Variants in DGKQ observed in about 807,000 individuals in gnomAD.
The protein encoded by DGKQ is diacylglycerol kinase theta.
A neutral mutation model predicts 104.2 loss-of-function variants in DGKQ; 97 were observed. The observed-to-expected ratio is 0.93, with a 90% CI of 0.79 to 1.10. The LOEUF (loss-of-function observed/expected upper bound fraction) is 1.10. Among genes scored for constraint, DGKQ ranks in the 50% least tolerant of loss-of-function variants. DGKQ has a pLI of 0.00. For synonymous variants in DGKQ, 736 were observed against 595.2 expected (o/e 1.24, Z -3.44); for missense variants, 1,465 against 1,352.1 (o/e 1.08, Z -1.31).
At chr4:960,851 C>G in intron 22 of DGKQ, 130 bp from the exon 23 acceptor site, 1 of 1,483,982 alleles carries the variant, frequency 6.7e-7, no homozygotes, top group Admixed American at 2.2e-5. Context: ...AGGGGAGGGA[C>G]CTGTCTGGCT....
At position 962,892 on chromosome 4, in the gene DGKQ, A is replaced by G. The variant is rs1477470211; in HGVS notation, c.1915T>C (p.Phe639Leu). ...TCGCCACCACACACCAGCACCCGGA[A>G]GCAGGGCACCTGGGAGAACAGGTGG... ...GLHLFSQVPC[F>L]RVLVCGGDGT... is the part of the protein sequence containing the mutation. The change falls in exon 17 of 23, where the codon TTC becomes CTC. Residue 639 changes from phenylalanine (F) to leucine (L), a missense_variant. Phe to Leu is a conservative substitution (Grantham distance 22). Coordinates refer to ENST00000273814, the MANE Select transcript of DGKQ (RefSeq NM_001347.4). 1 of 1,609,976 alleles carries G rather than the reference A, an allele frequency of 6.2e-7. No homozygotes were observed. The highest frequency in any genetic ancestry group is 8.5e-7 in the Non-Finnish European group (1 of 1,178,810).
chr4:960,245 G>A lies in DGKQ; in HGVS notation c.*375C>T, dbSNP rs946793907. 8 of 241,586 alleles carry A rather than the reference G, an allele frequency of 3.3e-5. No individual in the cohort carries two copies. The highest frequency in any genetic ancestry group is 8.4e-5 in the East Asian group (1 of 11,936). 15.0% of individuals were successfully genotyped at this position (241,586 alleles called of 1,614,324 possible). ...AAAGTGAGATCAGACCCACCTGGAC[G>A]GCCTGCATCCAGCACTGTCCAGCTC... On this transcript the variant is annotated 3_prime_UTR_variant, in exon 23 of 23. Transcript: ENST00000273814.
chr4:962,407 AG>A, intron 18 of DGKQ, 27 bp downstream of exon 18: 1 of 1,530,940 alleles, frequency 6.5e-7, no homozygotes, highest in South Asian at 1.2e-5. Flanking sequence ...GGAGCCTGGA[AG>A]GCACCCCACG....
Position 962,616 on chromosome 4 carries a change from G to A in DGKQ, c.2036-3C>T. 1 of 1,606,714 alleles carries A rather than the reference G, an allele frequency of 6.2e-7. No homozygotes were observed. Among genetic ancestry groups the A allele is most frequent in the Non-Finnish European group, 8.5e-7 (1 of 1,179,364 alleles). On this transcript the variant is annotated splice_polypyrimidine_tract_variant and splice_region_variant and intron_variant, in intron 17 of 22. Coordinates refer to ENST00000273814, the MANE Select transcript of DGKQ (RefSeq NM_001347.4). ...GAGGACTCGACCAAGGTCATTCCCTGGGACACAAGCAGACACAGAGCATCT... is the reference window on the plus strand; with the variant it reads ...GAGGACTCGACCAAGGTCATTCCCTAGGACACAAGCAGACACAGAGCATCT...
At chr4:966,424 G>C (rs369182182) in intron 12 of DGKQ, 42 bp downstream of exon 12, 253 of 1,602,182 alleles carry the variant, frequency 1.6e-4, no homozygotes, top group Non-Finnish European at 1.9e-4. Context: ...CTGTGGCTGA[G>C]GGCTGCTGGT....
chr4:962,888 C>A lies in DGKQ; in HGVS notation c.1919G>T (p.Arg640Leu). 1 of 1,609,748 alleles carries A rather than the reference C, an allele frequency of 6.2e-7. No individual in the cohort carries two copies. The highest frequency in any genetic ancestry group is 2.2e-5 in the East Asian group (1 of 44,672). The stretch of plus-strand genomic sequence containing the variant: ...GCCATCGCCACCACACACCAGCACC[C>A]GGAAGCAGGGCACCTGGGAGAACAG... Reference protein sequence around the residue: ...LHLFSQVPCFRVLVCGGDGTV... With the variant: ...LHLFSQVPCFLVLVCGGDGTV... The change falls in exon 17 of 23, where the codon CGG becomes CTG. Residue 640 changes from arginine (R) to leucine (L), a missense_variant. By Grantham distance (102) the Arg-to-Leu change is moderately radical (BLOSUM62 -2). Transcript: ENST00000273814.
intron 2 of DGKQ, among the ~76,000 whole-genome samples, 190 bp from the exon 3 acceptor site, chr4:969,100 C>G (rs745453984): frequency 2.0e-5 from 3 of 152,136 alleles, no homozygotes; most frequent in Non-Finnish European, 2.9e-5. Flanking sequence ...CCTGGCTGGT[C>G]AAAAGCAGGG....
chr4:966,120 C>T (rs777595797), intron 12 of DGKQ, 42 bp from the exon 13 acceptor site: 50 of 1,546,350 alleles, frequency 3.2e-5, no homozygotes, highest in Non-Finnish European at 4.2e-5. Context: ...GGGAGAACGG[C>T]ACCACCGCAC....
In DGKQ at chr4:962,615, T is replaced by C; in HGVS notation, c.2036-2A>G. On this transcript the variant is annotated splice_acceptor_variant, in intron 17 of 22. Coordinates refer to ENST00000273814, the MANE Select transcript of DGKQ (RefSeq NM_001347.4). LOFTEE classifies it high-confidence loss of function. ...GGAGGACTCGACCAAGGTCATTCCC[T>C]GGGACACAAGCAGACACAGAGCATC... 2.5e-6 allele frequency: 4 copies of C among 1,606,808 alleles called. No individual in the cohort carries two copies. The highest frequency in any genetic ancestry group is 2.5e-6 in the Non-Finnish European group (3 of 1,179,382).
chr4:961,708 G>A lies in DGKQ; in HGVS notation c.2442C>T (p.Leu814=), dbSNP rs765832300. Residue 814 remains leucine, a synonymous_variant, in exon 20 of 23, where the codon CTC becomes CTT. Coordinates refer to ENST00000273814, the MANE Select transcript of DGKQ (RefSeq NM_001347.4). ...QEVELPSIEG[L]IFINIPSWGS... ...AGCACCTGGGGATGTTGATGAAGAT[G>A]AGGCCTTCAATACTGGGCAGCTCCA... 2 of 1,612,704 alleles carry A rather than the reference G, an allele frequency of 1.2e-6. No homozygotes were observed. Among genetic ancestry groups the A allele is most frequent in the East Asian group, 4.5e-5 (2 of 44,860 alleles).
Position 962,521 on chromosome 4 carries a change from C to T in DGKQ, c.2128G>A (p.Val710Met), listed in dbSNP as rs775566733. Reference protein sequence around the residue: ...VLLSVDEADAVLMDRWTILLD... With the variant: ...VLLSVDEADAMLMDRWTILLD... ...AGGATGGTCCAGCGGTCCATGAGCA[C>T]GGCGTCGGCCTCGTCCACAGACAGC... is the stretch of plus-strand genomic sequence containing the variant. Residue 710 changes from valine to methionine, a missense_variant, in exon 18 of 23, where the codon GTG becomes ATG. Transcript: ENST00000273814. 1.4e-5 allele frequency: 22 copies of T among 1,610,006 alleles called. No homozygotes were observed. The highest frequency in any genetic ancestry group is 1.4e-5 in the Non-Finnish European group (17 of 1,179,906).
rs1401794319 is a variant in DGKQ at position 971,815 on chromosome 4, A to G, written c.272-743T>C. Among the ~76,000 whole-genome samples, 9 of 152,108 alleles carry G rather than the reference A, an allele frequency of 5.9e-5. No homozygotes were observed. Among genetic ancestry groups the G allele is most frequent in the Non-Finnish European group, 1.3e-4 (9 of 67,976 alleles). ...AGGGCACCCAGTGACACAACTGCCA[A>G]GACAGCCCCGGGTGAAGGTTGTGCC... On this transcript the variant is annotated intron_variant, in intron 1 of 22. Transcript: ENST00000273814. The surrounding 1 kb of genome is among the most constrained non-coding windows in gnomAD (Gnocchi z 4.0).
rs137872045 is a variant in DGKQ, at chr4:970,995, G to A, written c.349C>T (p.Arg117Trp). The A allele has an allele frequency of 5.0e-5, 78 of 1,550,468 alleles. No individual in the cohort carries two copies. The highest frequency in any genetic ancestry group is 7.3e-5 in the East Asian group (3 of 41,190). ...GCAACACCCAGCCCCACACTCACCC[G>A]GACCAGGCTGGGTGCCACACTCGTG... ...PCTSVAPSLV[R>W]VPVAHCFGPR... is the part of the protein sequence containing the mutation. The change falls in exon 2 of 23, where the codon CGG becomes TGG. Residue 117 changes from arginine to tryptophan, a missense_variant and splice_region_variant. Coordinates refer to ENST00000273814, the MANE Select transcript of DGKQ (RefSeq NM_001347.4).
Position 968,881 on chromosome 4 carries a change from C to T in DGKQ, c.381G>A (p.Arg127=), listed in dbSNP as rs749108864. Residue 127 remains arginine (R), a synonymous_variant, in exon 3 of 23, where the codon CGG becomes CGA. Transcript: ENST00000273814. ...RVPVAHCFGP[R]GLHKRKFCAV... is the part of the protein sequence containing the mutation. ...CACAGAACTTGCGCTTGTGGAGCCC[C>T]CGGGGGCCGAAGCAGTGGGCTACAG... The T allele has an allele frequency of 6.2e-7, 1 of 1,602,616 alleles. No individual in the cohort carries two copies. The highest frequency in any genetic ancestry group is 1.1e-5 in the South Asian group (1 of 90,408).
chr4:965,130 G>A, intron 15 of DGKQ, 46 bp downstream of exon 15: 1 of 1,541,946 alleles, frequency 6.5e-7, no homozygotes, highest in Non-Finnish European at 9.0e-7. Context: ...CCTCCCTCTG[G>A]CCACCCCCTG....
chr4:961,122 G>C lies in DGKQ; in HGVS notation c.2654C>G (p.Thr885Ser), dbSNP rs1374671106. 1.2e-6 allele frequency: 2 copies of C among 1,610,736 alleles called. No homozygotes were observed. Among genetic ancestry groups the C allele is most frequent in the Admixed American group, 1.7e-5 (1 of 59,488 alleles). The stretch of plus-strand genomic sequence containing the variant: ...GGGCTCCCCGTCCACCTGCACCGGG[G>C]TGGCCTTGAGGAGCGTGACTCGGAA... ...SYFRVTLLKA[T>S]PVQVDGEPWV... Residue 885 changes from threonine to serine, a missense_variant, in exon 22 of 23, where the codon ACC becomes AGC. Transcript: ENST00000273814.
In DGKQ at chr4:959,466, T is replaced by G. The variant is rs1470847155; in HGVS notation, c.*1154A>C. 6.6e-6 allele frequency: 1 copy of G among 152,144 alleles called. No individual in the cohort carries two copies. The highest frequency in any genetic ancestry group is 1.5e-5 in the Non-Finnish European group (1 of 68,034). 9.4% of individuals were successfully genotyped at this position (152,144 alleles called of 1,614,324 possible). A position where few individuals can be genotyped will look rare whatever the true frequency, so the allele number is the denominator to read the frequency against. ...TCCCGGGGCCAGTGCACCATCTGAA[T>G]CCTTGGGCACGTGGAGGCAGCTTTG... On this transcript the variant is annotated 3_prime_UTR_variant, in exon 23 of 23. Coordinates refer to ENST00000273814, the MANE Select transcript of DGKQ (RefSeq NM_001347.4).
intron 1 of DGKQ, 146 bp downstream of exon 1, chr4:973,066 C>A (rs1713060791): frequency 7.9e-7 from 1 of 1,262,968 alleles, no homozygotes; most frequent in African/African-American, 1.6e-5. Flanking sequence ...CAGGCCCCGG[C>A]CGCCCCACGA....
Position 973,507 on chromosome 4 carries a change from C to G in DGKQ, c.-25G>C. On this transcript the variant is annotated 5_prime_UTR_variant, in exon 1 of 23. Coordinates refer to ENST00000273814, the MANE Select transcript of DGKQ (RefSeq NM_001347.4). ...TTCCCGGCCCGAGCGGCCCGAGCCC[C>G]TTTAGGTCCGCGCCGGGGGTACAGG... The G allele has an allele frequency of 1.0e-6, 1 of 986,486 alleles. No individual in the cohort carries two copies. Among genetic ancestry groups the G allele is most frequent in the Non-Finnish European group, 1.2e-6 (1 of 830,952 alleles). 61.1% of individuals were successfully genotyped at this position (986,486 alleles called of 1,614,324 possible). A position where few individuals can be genotyped will look rare whatever the true frequency, so the allele number is the denominator to read the frequency against.
Sources: gnomAD v4.1 joint callset for allele counts (sites outside exome capture counted in the v4.1 genomes callset) on GRCh38, gnomAD v4.1.1 for gene constraint, Gnocchi (gnomAD v3.1) non-coding constraint, MANE v1.5 for transcripts, NCBI Gene and HGNC (gene_info 2026-07-23, HGNC 2026-07-21) for gene names.